The following PTPRD variants were observed in gnomAD, a reference collection of about 807,000 sequenced individuals.
The protein encoded by PTPRD is receptor-type tyrosine-protein phosphatase delta.
In PTPRD, 34 loss-of-function variants were observed where a neutral mutation model predicts 214.5. The ratio of observed to expected loss-of-function variants is 0.16; its 90% CI spans 0.12 to 0.21. PTPRD has a LOEUF of 0.21. PTPRD is among the 10% of genes least tolerant of loss of function. PTPRD has a pLI of 1.00. For missense variants in PTPRD, 2,545 were observed against 2,398.7 expected (o/e 1.06, Z -1.27); for synonymous variants, 1,128 against 845.7 (o/e 1.33, Z -5.79).
At chr9:10,115,265 G>A (rs1384523870) in intron 3 of PTPRD, among the ~76,000 whole-genome samples, 3 of 151,928 alleles carry the variant, frequency 2.0e-5, no homozygotes, top group African/African-American at 7.2e-5. Flanking sequence ...TATGTTTAAT[G>A]TTGTATATTT....
chr9:9,953,076 G>C (rs73643835), intron 4 of PTPRD, among the ~76,000 whole-genome samples: 9,273 of 152,142 alleles, frequency 0.061, 617 homozygotes, highest in East Asian at 0.23. Context: ...AAATGCAAAA[G>C]GTGGTGACCC....
intron 3 of PTPRD, among the ~76,000 whole-genome samples, chr9:10,146,516 A>C (rs2099023994): frequency 6.6e-6 from 1 of 152,146 alleles, no homozygotes; most frequent in African/African-American, 2.4e-5. Context: ...ATAAGAATGC[A>C]GGTTGTGCCA....
At chr9:9,279,675 A>C (rs1055971585) in intron 9 of PTPRD, among the ~76,000 whole-genome samples, 1 of 150,800 alleles carries the variant, frequency 6.6e-6, no homozygotes, top group Non-Finnish European at 1.5e-5. Flanking sequence ...TTAAAAACTT[A>C]ATTATTAATA....
intron 14 of PTPRD, among the ~76,000 whole-genome samples, chr9:8,568,125 A>G (rs969668031): frequency 2.0e-5 from 3 of 152,182 alleles, no homozygotes; most frequent in African/African-American, 7.2e-5. Context: ...TTAATCATTA[A>G]TAATAATTTA....
At chr9:9,435,892 G>A (rs986932086) in intron 8 of PTPRD, among the ~76,000 whole-genome samples, 5 of 152,070 alleles carry the variant, frequency 3.3e-5, no homozygotes, top group Admixed American at 2.6e-4. Flanking sequence ...GCAAAGTAAT[G>A]GAAATCAGAT....
chr9:8,316,974 T>C lies in PTPRD; in HGVS notation c.*900A>G, dbSNP rs1444967993. 4.3e-6 allele frequency: 1 copy of C among 231,364 alleles called. No homozygotes were observed. Among genetic ancestry groups the C allele is most frequent in the Non-Finnish European group, 8.6e-6 (1 of 116,776 alleles). The allele number at this position is 231,364 out of a possible 1,614,324, so 14.3% of individuals were successfully genotyped here. A position where few individuals can be genotyped will look rare whatever the true frequency, so the allele number is the denominator to read the frequency against. On this transcript the variant is annotated 3_prime_UTR_variant, in exon 46 of 46. Coordinates refer to ENST00000381196, the MANE Select transcript of PTPRD (RefSeq NM_002839.4). ...TAGACACCCTTATAAAATATGGATA[T>C]ATATGTATATATGTTAGCAGCAACT...
At chr9:10,001,399 G>A (rs1041826147) in intron 4 of PTPRD, among the ~76,000 whole-genome samples, 7 of 152,108 alleles carry the variant, frequency 4.6e-5, no homozygotes, top group Admixed American at 3.9e-4. Context: ...AAGACAATCT[G>A]TATATCCAAG....
intron 10 of PTPRD, among the ~76,000 whole-genome samples, chr9:9,078,541 T>G (rs535007950): frequency 6.6e-6 from 1 of 152,224 alleles, no homozygotes; most frequent in East Asian, 1.9e-4. Flanking sequence ...AAAGAAATAC[T>G]TGGCTCATGT....
chr9:9,070,318 A>T (rs2099741954), intron 10 of PTPRD, among the ~76,000 whole-genome samples: 1 of 152,222 alleles, frequency 6.6e-6, no homozygotes, highest in Non-Finnish European at 1.5e-5. Context: ...TTCTACAAGA[A>T]ATATGCTATT....
chr9:9,708,122 A>C (rs2097660151), intron 7 of PTPRD, among the ~76,000 whole-genome samples: 1 of 152,082 alleles, frequency 6.6e-6, no homozygotes, highest in African/African-American at 2.4e-5. Context: ...TACTACGTTG[A>C]TTTAGTTCTA....
intron 6 of PTPRD, among the ~76,000 whole-genome samples, chr9:9,766,442 C>T (rs1024867318): frequency 5.9e-5 from 9 of 152,084 alleles, no homozygotes; most frequent in Non-Finnish European, 7.4e-5. Context: ...TTAGGTAGTT[C>T]TTGCCTGATA....
At chr9:9,284,888 A>G (rs1948871937) in intron 9 of PTPRD, among the ~76,000 whole-genome samples, 1 of 151,828 alleles carries the variant, frequency 6.6e-6, no homozygotes, top group South Asian at 2.1e-4. Context: ...GATGAACAGT[A>G]TCTGGCACAG....
At chr9:9,648,995 G>A (rs2096265831) in intron 7 of PTPRD, among the ~76,000 whole-genome samples, 1 of 152,210 alleles carries the variant, frequency 6.6e-6, no homozygotes, top group African/African-American at 2.4e-5. Context: ...TGCATTTCTG[G>A]GAAACCAAGC....
chr9:9,079,077 T>A lies in PTPRD; in HGVS notation c.-142-60342A>T, dbSNP rs146345423. Among the ~76,000 whole-genome samples the A allele has an allele frequency of 5.3e-3, 811 of 152,182 alleles. 8 individuals are homozygous for A. The highest frequency in any genetic ancestry group is 0.019 in the African/African-American group (772 of 41,510). On this transcript the variant is annotated intron_variant, in intron 10 of 45. Coordinates refer to ENST00000381196, the MANE Select transcript of PTPRD (RefSeq NM_002839.4). Reference sequence around the variant, plus strand: ...GTGTTGGTAATGTTCAGTATTCTCCTTCTAGTTATTTGAAACTATATATTA... The same window carrying A: ...GTGTTGGTAATGTTCAGTATTCTCCATCTAGTTATTTGAAACTATATATTA...
At chr9:8,637,438 G>C (rs2096468505) in intron 12 of PTPRD, among the ~76,000 whole-genome samples, 1 of 152,128 alleles carries the variant, frequency 6.6e-6, no homozygotes, top group Non-Finnish European at 1.5e-5. Flanking sequence ...TCCACAATTT[G>C]CATAAAAGAA....
At chr9:10,467,603 G>C (rs1180978753) in intron 2 of PTPRD, among the ~76,000 whole-genome samples, 1 of 152,102 alleles carries the variant, frequency 6.6e-6, no homozygotes, top group East Asian at 1.9e-4. Flanking sequence ...TGTGATAGTT[G>C]TGATTAAAAT....
chr9:9,939,576 G>A (rs1343067044), intron 4 of PTPRD, among the ~76,000 whole-genome samples: 1 of 152,090 alleles, frequency 6.6e-6, no homozygotes, highest in Admixed American at 6.5e-5. Context: ...TGATCTAACT[G>A]CCAGAGTACC....
At chr9:10,562,154 A>G (rs1330312555) in intron 2 of PTPRD, among the ~76,000 whole-genome samples, 1 of 152,122 alleles carries the variant, frequency 6.6e-6, no homozygotes, top group Non-Finnish European at 1.5e-5. Flanking sequence ...AGACATCCAT[A>G]TCCAAGAACC....
intron 11 of PTPRD, among the ~76,000 whole-genome samples, chr9:8,938,036 T>C (rs946082872): frequency 5.3e-5 from 8 of 152,142 alleles, no homozygotes; most frequent in Non-Finnish European, 2.9e-5. Context: ...TCAACAAGTT[T>C]ACAGTTTAGA....
Sources: gnomAD v4.1 joint callset for allele counts (sites outside exome capture counted in the v4.1 genomes callset) on GRCh38, gnomAD v4.1.1 for gene constraint, MANE v1.5 for transcripts, NCBI Gene and HGNC (gene_info 2026-07-23, HGNC 2026-07-21) for gene names.